The following PPP2R3B variants were observed in gnomAD, a reference collection of about 807,000 sequenced individuals.
PPP2R3B encodes the protein protein phosphatase 2 regulatory subunit B''beta, also known as serine/threonine-protein phosphatase 2A regulatory subunit B'' subunit beta.
Under a neutral mutation model 72.9 loss-of-function variants are expected in PPP2R3B, and 68 were observed. The ratio of observed to expected loss-of-function variants is 0.93; its 90% CI spans 0.77 to 1.14. The LOEUF (loss-of-function observed/expected upper bound fraction) is 1.14. PPP2R3B is among the 50% of genes most tolerant of loss of function. PPP2R3B has a pLI of 0.00. For missense variants in PPP2R3B, 1,018 were observed against 842.0 expected, an observed-to-expected ratio of 1.21 and a Z score of -2.59; for synonymous variants, 466 against 375.8, an observed-to-expected ratio of 1.24 and a Z score of -2.78.
rs746931877 is a variant in PPP2R3B at position 346,278 on chromosome X, G to C, written c.793-18C>G. 1 of 1,552,388 alleles carries C rather than the reference G, an allele frequency of 6.4e-7. No individual in the cohort carries two copies. Among genetic ancestry groups the C allele is most frequent in the South Asian group, 1.2e-5 (1 of 84,366 alleles). On this transcript the variant is annotated intron_variant, in intron 5 of 12. Transcript: ENST00000390665. ...TGGATGACCTGCGGGGGCGCTGTCAGTGCGGTGGGTGCGCAGAGACCCCCA... is the reference window on the plus strand; with the variant it reads ...TGGATGACCTGCGGGGGCGCTGTCACTGCGGTGGGTGCGCAGAGACCCCCA...
chrX:358,065 CT>C (rs2071470739), intron 2 of PPP2R3B, among the ~76,000 whole-genome samples: 1 of 152,226 alleles, frequency 6.6e-6, no homozygotes, highest in Admixed American at 6.5e-5. Context: ...GCGTGTGGAG[CT>C]GTGACTCCAG....
rs750185849 is a variant in PPP2R3B, at chrX:386,447, G to GC, written c.244dup (p.Ala82GlyfsTer21). On this transcript the variant is annotated frameshift_variant, in exon 1 of 13. Coordinates refer to ENST00000390665, the MANE Select transcript of PPP2R3B (RefSeq NM_013239.5). LOFTEE classifies it high-confidence loss of function. ...GCTGGAGGCGGCGCCCAGGGGCAGC[G>GC]CAGGGCCCGGCCCGGGGGTTCCCGG... 7.6e-7 allele frequency: 1 copy of GC among 1,313,212 alleles called. No individual in the cohort carries two copies. Among genetic ancestry groups the GC allele is most frequent in the South Asian group, 3.2e-5 (1 of 31,626 alleles). The allele number at this position is 1,313,212 out of a possible 1,614,324, so 81.3% of individuals were successfully genotyped here. A position where few individuals can be genotyped will look rare whatever the true frequency, so the allele number is the denominator to read the frequency against.
At chrX:376,042 T>C (rs956387117) in intron 1 of PPP2R3B, among the ~76,000 whole-genome samples, 4 of 151,970 alleles carry the variant, frequency 2.6e-5, no homozygotes, top group African/African-American at 9.7e-5. Flanking sequence ...AAATACAAAA[T>C]TAGCTGGGCA....
At chrX:347,761 C>T (rs1297018275) in intron 2 of PPP2R3B, 68 bp from the exon 3 acceptor site, 12 of 1,210,706 alleles carry the variant, frequency 9.9e-6, no homozygotes, top group Admixed American at 8.8e-5. Flanking sequence ...CTGCGTACCT[C>T]GCGCCTGACC....
chrX:378,243 G>A lies in PPP2R3B; in HGVS notation c.324+8125C>T, dbSNP rs190400382. ...GAATCTCCACCGTCCCTCTGCTGTC[G>A]GGACACAATCTTACCATCAACCTCT... On this transcript the variant is annotated intron_variant, in intron 1 of 12. Transcript: ENST00000390665. Among the ~76,000 whole-genome samples the A allele has an allele frequency of 6.7e-3, 1,018 of 152,266 alleles. 4 individuals are homozygous for A. Among genetic ancestry groups the A allele is most frequent in the Non-Finnish European group, 0.012 (831 of 68,012 alleles).
At chrX:341,761 G>C (rs2071083471) in intron 8 of PPP2R3B, 122 bp downstream of exon 8, 4 of 1,090,320 alleles carry the variant, frequency 3.7e-6, no homozygotes, top group Admixed American at 3.4e-5. Context: ...CCCTCGCCAG[G>C]GCCTGGGGTG....
At chrX:342,265 G>C (rs1218186878) in intron 7 of PPP2R3B, 2 of 489,948 alleles carry the variant, frequency 4.1e-6, no homozygotes, top group African/African-American at 3.9e-5. Flanking sequence ...AAACAAACAC[G>C]TTTCAACCAA....
intron 1 of PPP2R3B, among the ~76,000 whole-genome samples, chrX:368,922 G>T (rs1325275000): frequency 1.3e-5 from 2 of 152,234 alleles, no homozygotes; most frequent in Non-Finnish European, 2.9e-5. Context: ...CCCACCATGG[G>T]CACTAATAGA....
At chrX:353,764 GGGGGCTCACCCAAAGACC>G (rs1391490883) in intron 2 of PPP2R3B, among the ~76,000 whole-genome samples, 21 of 148,782 alleles carry the variant, frequency 1.4e-4, no homozygotes, top group South Asian at 6.3e-4. Flanking sequence ...CCCAAAGACC[GGGGGCTCACCCAAAGACC>G]GGGGCTCACC....
intron 12 of PPP2R3B, 164 bp downstream of exon 12, chrX:338,440 G>A (rs1338598757): frequency 4.3e-6 from 3 of 696,408 alleles, no homozygotes; most frequent in African/African-American, 3.5e-5. Context: ...TACCTCACCG[G>A]CCCCGTGTCA....
Position 386,659 on chromosome X carries a change from C to A in PPP2R3B, c.33G>T (p.Leu11=). 7.2e-7 allele frequency: 1 copy of A among 1,398,190 alleles called. No individual in the cohort carries two copies. Among genetic ancestry groups the A allele is most frequent in the Non-Finnish European group, 9.3e-7 (1 of 1,075,644 alleles). The allele number at this position is 1,398,190 out of a possible 1,614,324, so 86.6% of individuals were successfully genotyped here. MPPGKVLQPV[L]KMKVDELFLY... ...GGAACAGCTCGTCCACCTTCATCTT[C>A]AGGACCGGCTGCAGCACTTTGCCGG... The change falls in exon 1 of 13, where the codon CTG becomes CTT. Residue 11 remains leucine (L), a synonymous_variant. Transcript: ENST00000390665.
intron 2 of PPP2R3B, among the ~76,000 whole-genome samples, chrX:352,831 C>T (rs1336129646): frequency 2.0e-5 from 3 of 151,320 alleles, no homozygotes; most frequent in Admixed American, 6.6e-5. Context: ...GGACGATCTG[C>T]AGACACGTAA....
chrX:361,655 C>G, intron 1 of PPP2R3B, 65 bp from the exon 2 acceptor site: 1 of 1,580,572 alleles, frequency 6.3e-7, no homozygotes, highest in Non-Finnish European at 8.6e-7. Flanking sequence ...TTCACCCGGA[C>G]AACACACGGG....
chrX:338,377 C>T (rs763510267), intron 12 of PPP2R3B: 100 of 607,666 alleles, frequency 1.6e-4, no homozygotes, highest in African/African-American at 1.1e-3. Context: ...GAACCCCACG[C>T]GGGGAATGAC....
chrX:364,506 TAAAAAAAAAAAAAACAAA>T (rs1205444733), intron 1 of PPP2R3B, among the ~76,000 whole-genome samples: 4 of 44,514 alleles, frequency 9.0e-5, no homozygotes, highest in African/African-American at 3.8e-4. Context: ...TCATCTCTAC[TAAAAAAAAAAAAAACAAA>T]AAAAAAAAAA....
Position 341,098 on chromosome X carries a change from C to A in PPP2R3B, c.1176-158G>T, listed in dbSNP as rs1187781428. On this transcript the variant is annotated intron_variant, in intron 9 of 12. Transcript: ENST00000390665. ...ATCCCCTGCCCCCTGCCGCCCCCAC[C>A]GGGCGCGCACGCGTCCCCCTGTGCC... 12 of 677,610 alleles carry A rather than the reference C, an allele frequency of 1.8e-5. 1 individual carries two copies. In the African/African-American group the frequency reaches 2.0e-4, roughly 11 times the overall value. The allele number at this position is 677,610 out of a possible 1,614,324, so 42.0% of individuals were successfully genotyped here.
Position 386,895 on chromosome X carries a change from T to C in PPP2R3B, c.-204A>G. On this transcript the variant is annotated 5_prime_UTR_variant, in exon 1 of 13. Transcript: ENST00000390665. The stretch of plus-strand genomic sequence containing the variant: ...GGGGGCGCGGTCCGGCCCGCGCTGC[T>C]CAGGGCAGCTTCAAAACGGGCGCGC... 1 of 187,696 alleles carries C rather than the reference T, an allele frequency of 5.3e-6. No homozygotes were observed. The highest frequency in any genetic ancestry group is 1.1e-5 in the Non-Finnish European group (1 of 93,010). The allele number at this position is 187,696 out of a possible 1,614,324, so 11.6% of individuals were successfully genotyped here.
At chrX:348,366 A>G (rs924869828) in intron 2 of PPP2R3B, among the ~76,000 whole-genome samples, 2 of 152,124 alleles carry the variant, frequency 1.3e-5, no homozygotes, top group African/African-American at 4.8e-5. Context: ...ACCTGAGGTC[A>G]GGAGTTCGAG....
chrX:366,942 C>G (rs1338338644), intron 1 of PPP2R3B, among the ~76,000 whole-genome samples: 4 of 151,732 alleles, frequency 2.6e-5, no homozygotes, highest in Admixed American at 2.6e-4. Flanking sequence ...GCAGGAGAAT[C>G]GCTTAAACCC....
Sources: gnomAD v4.1 joint callset for allele counts (sites outside exome capture counted in the v4.1 genomes callset) on GRCh38, gnomAD v4.1.1 for gene constraint, MANE v1.5 for transcripts, NCBI Gene and HGNC (gene_info 2026-07-23, HGNC 2026-07-21) for gene names.